Variants in GALNT13 observed in about 807,000 individuals in gnomAD.
GALNT13 encodes the protein polypeptide N-acetylgalactosaminyltransferase 13, also known as UDP-GalNAc:polypeptide N-acetylgalactosaminyltransferase 13.
A neutral mutation model predicts 64.2 loss-of-function variants in GALNT13; 28 were observed. The observed-to-expected ratio is 0.44, with a 90% CI of 0.32 to 0.60. The LOEUF (loss-of-function observed/expected upper bound fraction) is 0.60. GALNT13 is among the 20% of genes least tolerant of loss of function. The pLI is 0.05. For synonymous variants in GALNT13, 214 were observed against 224.6 expected (o/e 0.95, Z 0.42); for missense variants, 577 against 669.8 (o/e 0.86, Z 1.53).
chr2:153,252,303 CT>C, the GALNT13 span, among the ~76,000 whole-genome samples: 1 of 91,714 alleles, frequency 1.1e-5, no homozygotes, highest in Admixed American at 9.7e-5. Flanking sequence ...CCTTCGCCCA[CT>C]TTTTGATGGG....
chr2:154,149,032 G>A (rs1232577399), intron 4 of GALNT13, among the ~76,000 whole-genome samples: 1 of 152,128 alleles, frequency 6.6e-6, no homozygotes, highest in East Asian at 1.9e-4. Flanking sequence ...TAATGCCTAG[G>A]TTTTCTTCTA....
the GALNT13 span, among the ~76,000 whole-genome samples, chr2:153,597,180 A>G: frequency 6.6e-6 from 1 of 152,116 alleles, no homozygotes; most frequent in Non-Finnish European, 1.5e-5. Flanking sequence ...GCACAGTGCA[A>G]AATGAAAATG....
the GALNT13 span, among the ~76,000 whole-genome samples, chr2:153,709,598 A>G: frequency 6.6e-6 from 1 of 152,142 alleles, no homozygotes; most frequent in South Asian, 2.1e-4. Flanking sequence ...TCAAAGAAAC[A>G]AAAACAAGAA....
chr2:154,402,109 TA>T (rs1295794725), intron 10 of GALNT13, among the ~76,000 whole-genome samples: 3 of 152,276 alleles, frequency 2.0e-5, no homozygotes, highest in Admixed American at 1.3e-4. Context: ...AAAATAATGA[TA>T]AAAAATAATA....
chr2:154,303,070 C>A (rs1693535941), intron 9 of GALNT13, among the ~76,000 whole-genome samples: 2 of 152,028 alleles, frequency 1.3e-5, no homozygotes, highest in African/African-American at 4.8e-5. Flanking sequence ...GGCAATGAAG[C>A]GGCTACGTTG....
chr2:154,206,225 C>A (rs1036534043), intron 4 of GALNT13, among the ~76,000 whole-genome samples: 1 of 151,424 alleles, frequency 6.6e-6, no homozygotes, highest in Non-Finnish European at 1.5e-5. Context: ...ATGGTCTCGA[C>A]CTCCTGACCT....
chr2:154,172,712 A>ACT (rs1685430629), intron 4 of GALNT13, among the ~76,000 whole-genome samples: 1 of 151,784 alleles, frequency 6.6e-6, no homozygotes, highest in African/African-American at 2.4e-5. Context: ...TTATCTGTTG[A>ACT]TGGGCACTTA....
the GALNT13 span, among the ~76,000 whole-genome samples, chr2:153,714,601 A>ATG: frequency 6.6e-6 from 1 of 152,168 alleles, no homozygotes; most frequent in Non-Finnish European, 1.5e-5. Flanking sequence ...ACAATTTGCA[A>ATG]TGTTATAATT....
chr2:153,666,534 C>T, the GALNT13 span, among the ~76,000 whole-genome samples: 2 of 152,244 alleles, frequency 1.3e-5, no homozygotes, highest in African/African-American at 4.8e-5. Flanking sequence ...CTTAAAGGGT[C>T]AGAGAACAGA....
At chr2:153,994,719 T>C (rs1161450402) in intron 3 of GALNT13, among the ~76,000 whole-genome samples, 1 of 152,212 alleles carries the variant, frequency 6.6e-6, no homozygotes, top group African/African-American at 2.4e-5. Context: ...TGTCTTCTTT[T>C]GAGAAGCGTC....
the GALNT13 span, among the ~76,000 whole-genome samples, chr2:153,714,366 G>A: frequency 3.8e-4 from 58 of 152,196 alleles, no homozygotes; most frequent in African/African-American, 1.3e-3. Flanking sequence ...ATACACAATA[G>A]GCATGTATAT....
the GALNT13 span, among the ~76,000 whole-genome samples, chr2:153,339,957 ATATGCCTGTTTT>A: frequency 6.6e-6 from 1 of 152,034 alleles, no homozygotes; most frequent in South Asian, 2.1e-4. Context: ...TCATTGTTCT[ATATGCCTGTTTT>A]TATGCCTGTA....
the GALNT13 span, chr2:153,478,729 G>C: frequency 1.6e-6 from 1 of 628,568 alleles, no homozygotes; most frequent in South Asian, 2.1e-5. Flanking sequence ...TTTCCCAGGA[G>C]CCTCTCCGAC....
intron 11 of GALNT13, among the ~76,000 whole-genome samples, chr2:154,429,670 A>G (rs185524268): frequency 3.3e-5 from 5 of 152,234 alleles, no homozygotes; most frequent in African/African-American, 1.2e-4. Context: ...CAGATTTTCA[A>G]TGTAGATAAA....
At chr2:154,394,652 ATTTTTGTAAATACTAAATTG>A (rs1414859020) in intron 9 of GALNT13, among the ~76,000 whole-genome samples, 1 of 152,196 alleles carries the variant, frequency 6.6e-6, no homozygotes, top group Non-Finnish European at 1.5e-5. Context: ...CTAGTGATTT[ATTTTTGTAAATACTAAATTG>A]TTTTGAGCTT....
the GALNT13 span, among the ~76,000 whole-genome samples, chr2:153,616,176 C>T: frequency 2.6e-5 from 4 of 151,630 alleles, no homozygotes; most frequent in Admixed American, 6.6e-5. Flanking sequence ...GTTTTCTCAG[C>T]GCCATTTATT....
chr2:153,099,997 G>T, the GALNT13 span, among the ~76,000 whole-genome samples: 1 of 152,148 alleles, frequency 6.6e-6, no homozygotes, highest in Non-Finnish European at 1.5e-5. Context: ...GTATGAAATT[G>T]GATTGGGAAA....
At chr2:153,395,356 G>C in the GALNT13 span, among the ~76,000 whole-genome samples, 1 of 152,138 alleles carries the variant, frequency 6.6e-6, no homozygotes, top group Admixed American at 6.6e-5. Context: ...GTACAGAATA[G>C]ATAGGGGAAG....
intron 12 of GALNT13, among the ~76,000 whole-genome samples, chr2:154,448,742 A>C (rs1012603110): frequency 4.6e-5 from 7 of 152,022 alleles, no homozygotes; most frequent in African/African-American, 1.7e-4. Flanking sequence ...ATTTTGAACT[A>C]AGGTAACTGA....
Sources: allele counts gnomAD v4.1 joint callset (sites outside exome capture counted in the v4.1 genomes callset), GRCh38; gene constraint gnomAD v4.1.1; transcripts MANE v1.5; gene names NCBI Gene and HGNC (gene_info 2026-07-23, HGNC 2026-07-21).